ADGB: variants seen among roughly 807,000 people sequenced by gnomAD.
The protein encoded by ADGB is calpain-7-like protein.
Under a neutral mutation model 210.5 loss-of-function variants are expected in ADGB, and 172 were observed. That is an observed-to-expected ratio of 0.82 (90% confidence interval 0.72 to 0.93). ADGB has a LOEUF of 0.93. Among genes scored for constraint, ADGB ranks in the 40% least tolerant of loss-of-function variants. The pLI, the probability that ADGB is intolerant of heterozygous loss-of-function variation, is 0.00. For synonymous variants in ADGB, 658 were observed against 662.7 expected (o/e 0.99, Z 0.11); for missense variants, 2,025 against 1,964.8 (o/e 1.03, Z -0.58).
chr6:146,693,126 A>G (rs1486560851), intron 12 of ADGB, among the ~76,000 whole-genome samples: 1 of 152,198 alleles, frequency 6.6e-6, no homozygotes, highest in African/African-American at 2.4e-5. Context: ...AGTTTTTACT[A>G]ATTTCTTGTG....
chr6:146,631,907 C>T (rs1050236816), intron 1 of ADGB, among the ~76,000 whole-genome samples: 2 of 151,488 alleles, frequency 1.3e-5, no homozygotes, highest in Non-Finnish European at 2.9e-5. Context: ...TAGTTGTTTT[C>T]ACTTTATCAT....
At chr6:146,703,322 ATAAC>A (rs1344598853) in intron 13 of ADGB, among the ~76,000 whole-genome samples, 3 of 151,920 alleles carry the variant, frequency 2.0e-5, no homozygotes, top group African/African-American at 7.2e-5. Context: ...ATATAGCTGA[ATAAC>A]TAAATTGAGC....
At chr6:146,625,051 AGT>A (rs1406783756) in intron 1 of ADGB, among the ~76,000 whole-genome samples, 1 of 152,010 alleles carries the variant, frequency 6.6e-6, no homozygotes, top group Non-Finnish European at 1.5e-5. Flanking sequence ...GTTGTGATAG[AGT>A]GTCTTATAAA....
chr6:146,647,867 T>C (rs766153220), intron 3 of ADGB, among the ~76,000 whole-genome samples: 12 of 152,014 alleles, frequency 7.9e-5, no homozygotes, highest in Admixed American at 2.0e-4. Context: ...TATAGTAATT[T>C]TATTGAAAGA....
At chr6:146,804,586 G>A (rs951734724) in intron 35 of ADGB, among the ~76,000 whole-genome samples, 12 of 152,062 alleles carry the variant, frequency 7.9e-5, no homozygotes, top group Admixed American at 4.6e-4. Flanking sequence ...CCCCACGTGC[G>A]ATCAATTGTC....
intron 1 of ADGB, among the ~76,000 whole-genome samples, chr6:146,630,546 AAAAC>A (rs142378334): frequency 3.9e-4 from 60 of 152,132 alleles, no homozygotes; most frequent in African/African-American, 1.4e-3. Context: ...TGCTTCTTAA[AAAAC>A]AAACAAACAA....
chr6:146,721,070 A>C (rs1776806204), intron 16 of ADGB, among the ~76,000 whole-genome samples: 1 of 152,152 alleles, frequency 6.6e-6, no homozygotes, highest in Non-Finnish European at 1.5e-5. Flanking sequence ...CCCATGCTTG[A>C]GTACTACTCT....
intron 35 of ADGB, chr6:146,803,177 T>C (rs926182858): frequency 5.2e-5 from 77 of 1,493,456 alleles, no homozygotes; most frequent in Non-Finnish European, 6.9e-5. Flanking sequence ...CAAGTTCACT[T>C]ATACTTCTCC....
At chr6:146,704,138 C>T (rs756243936) in intron 13 of ADGB, among the ~76,000 whole-genome samples, 71 of 151,894 alleles carry the variant, frequency 4.7e-4, no homozygotes, top group African/African-American at 1.4e-3. Flanking sequence ...TCAGATTCTT[C>T]GCTCATTTTT....
chr6:146,600,744 A>C (rs1211078694), intron 1 of ADGB, among the ~76,000 whole-genome samples: 2 of 151,026 alleles, frequency 1.3e-5, no homozygotes, highest in East Asian at 3.9e-4. Context: ...TTGTCTTCCC[A>C]ATAGGGAAGG....
At chr6:146,694,461 G>C (rs1355596579) in intron 12 of ADGB, among the ~76,000 whole-genome samples, 2 of 152,046 alleles carry the variant, frequency 1.3e-5, no homozygotes, top group Non-Finnish European at 2.9e-5. Flanking sequence ...CCTCCCAAAG[G>C]CCTCACCTCT....
chr6:146,629,892 ATAG>A (rs1426851187), intron 1 of ADGB, among the ~76,000 whole-genome samples: 2 of 152,208 alleles, frequency 1.3e-5, no homozygotes, highest in African/African-American at 4.8e-5. Flanking sequence ...TTCTAGGATG[ATAG>A]TAGATTAATA....
intron 27 of ADGB, among the ~76,000 whole-genome samples, chr6:146,757,175 C>T (rs556876624): frequency 7.9e-5 from 12 of 151,908 alleles, no homozygotes; most frequent in Admixed American, 3.3e-4. Flanking sequence ...GTGTTTTTTA[C>T]GATTTATATT....
At chr6:146,745,669 T>A (rs920985300) in intron 25 of ADGB, among the ~76,000 whole-genome samples, 1 of 152,192 alleles carries the variant, frequency 6.6e-6, no homozygotes, top group Non-Finnish European at 1.5e-5. Context: ...CTATTGTAGT[T>A]AAGCACTTTA....
intron 35 of ADGB, among the ~76,000 whole-genome samples, chr6:146,810,392 A>G (rs259379): frequency 0.61 from 91,757 of 151,414 alleles, 28,136 homozygotes; most frequent in East Asian, 0.77. Flanking sequence ...AAACAGTATG[A>G]AAGTTTCTCA....
Position 146,726,253 on chromosome 6 carries a change from G to T in ADGB, c.2352+56G>T. The T allele has an allele frequency of 4.7e-6, 6 of 1,263,880 alleles. No homozygotes were observed. The South Asian group carries it at 5.4e-5, about 11-fold the overall frequency. 78.3% of individuals were successfully genotyped at this position (1,263,880 alleles called of 1,614,324 possible). Reference sequence around the variant, plus strand: ...TTTATTTATTTAGAGATGGAGTCTCGCACTGTTGCCAGGGCTGGAGTGCAG... The same window carrying T: ...TTTATTTATTTAGAGATGGAGTCTCTCACTGTTGCCAGGGCTGGAGTGCAG... On this transcript the variant is annotated intron_variant, in intron 19 of 35. Transcript: ENST00000397944.
intron 27 of ADGB, among the ~76,000 whole-genome samples, chr6:146,753,351 C>T (rs908643517): frequency 1.3e-5 from 2 of 151,992 alleles, no homozygotes; most frequent in African/African-American, 4.8e-5. Context: ...CCTTCATTCT[C>T]CGTTTTTGCA....
chr6:146,717,910 C>A (rs1776758087), intron 16 of ADGB, among the ~76,000 whole-genome samples: 1 of 152,052 alleles, frequency 6.6e-6, no homozygotes, highest in Non-Finnish European at 1.5e-5. Context: ...GATTTGGTTT[C>A]AATTAGTATT....
At chr6:146,729,101 T>C (rs905641132) in intron 20 of ADGB, among the ~76,000 whole-genome samples, 1 of 152,170 alleles carries the variant, frequency 6.6e-6, no homozygotes, top group African/African-American at 2.4e-5. Flanking sequence ...TCTCAAGGGC[T>C]TTGACTTCCT....
Sources: gnomAD v4.1 joint callset for allele counts (sites outside exome capture counted in the v4.1 genomes callset) on GRCh38, gnomAD v4.1.1 for gene constraint, MANE v1.5 for transcripts, NCBI Gene and HGNC (gene_info 2026-07-23, HGNC 2026-07-21) for gene names.